RNLS: variants seen among roughly 807,000 people sequenced by gnomAD.
RNLS encodes renalase.
In RNLS, 39 loss-of-function variants were observed where a neutral mutation model predicts 39.8. The ratio of observed to expected loss-of-function variants is 0.98; its 90% CI spans 0.76 to 1.28. The LOEUF (loss-of-function observed/expected upper bound fraction) is 1.28, where lower values mean the gene tolerates loss of function less well. Among genes scored for constraint, RNLS ranks in the 50% most tolerant of loss-of-function variants. The pLI, the probability that RNLS is intolerant of heterozygous loss-of-function variation, is 0.00. For missense variants in RNLS, 410 were observed against 413.3 expected (o/e 0.99, Z 0.07); for synonymous variants, 147 against 150.7 (o/e 0.98, Z 0.18).
intron 5 of RNLS, among the ~76,000 whole-genome samples, chr10:88,334,180 A>G (rs1847319379): frequency 6.6e-6 from 1 of 152,204 alleles, no homozygotes; most frequent in African/African-American, 2.4e-5. Context: ...TCAAAATCAC[A>G]ATCCCCCCAA....
At chr10:88,366,877 C>T (rs1174947993) in intron 4 of RNLS, among the ~76,000 whole-genome samples, 9 of 151,434 alleles carry the variant, frequency 5.9e-5, no homozygotes, top group Non-Finnish European at 5.9e-5. Context: ...AACCAACTCA[C>T]GGCCAGTGGA....
chr10:88,415,727 C>A (rs914913138), intron 4 of RNLS, among the ~76,000 whole-genome samples: 2 of 152,090 alleles, frequency 1.3e-5, no homozygotes, highest in Non-Finnish European at 2.9e-5. Flanking sequence ...TAGTATTTGG[C>A]ACACAGTAAG....
rs553852451 is a variant in RNLS, at chr10:88,353,566, G to A, written c.700+8986C>T. Among the ~76,000 whole-genome samples the A allele has an allele frequency of 6.4e-4, 98 of 152,284 alleles. 1 individual carries two copies. Among genetic ancestry groups the A allele is most frequent in the South Asian group, 2.7e-3 (13 of 4,818 alleles). ...TGAGTTCTTGTTTGATTGCACTGTC[G>A]TCTCAGAGACAGTTTGTTATAATTT... On this transcript the variant is annotated intron_variant, in intron 5 of 6. Transcript: ENST00000331772.
chr10:88,223,443 C>G, the RNLS span, among the ~76,000 whole-genome samples: 1 of 152,170 alleles, frequency 6.6e-6, no homozygotes, highest in Admixed American at 6.5e-5. Context: ...AGGACAGGAA[C>G]AGCATATAAT....
chr10:88,482,848 A>C (rs1564836732), intron 4 of RNLS, among the ~76,000 whole-genome samples: 1 of 152,080 alleles, frequency 6.6e-6, no homozygotes, highest in Admixed American at 6.6e-5. Flanking sequence ...GTAACCTGCC[A>C]GGGCTAAATC....
chr10:88,393,297 C>G (rs1086837), intron 4 of RNLS, among the ~76,000 whole-genome samples: 1 of 150,768 alleles, frequency 6.6e-6, no homozygotes, highest in Non-Finnish European at 1.5e-5. Context: ...AAAACCCCAT[C>G]GTCTCAGCCC....
intron 4 of RNLS, among the ~76,000 whole-genome samples, chr10:88,519,717 T>C (rs1253506228): frequency 1.4e-5 from 2 of 147,454 alleles, no homozygotes; most frequent in Non-Finnish European, 3.0e-5. Context: ...ATATATCACA[T>C]ATATATGATA....
chr10:88,467,454 C>T (rs113990740), intron 4 of RNLS, among the ~76,000 whole-genome samples: 8 of 152,102 alleles, frequency 5.3e-5, no homozygotes, highest in African/African-American at 1.7e-4. Flanking sequence ...AAAATCTTAA[C>T]AACTATCTTT....
intron 4 of RNLS, among the ~76,000 whole-genome samples, chr10:88,524,910 T>A (rs1846986543): frequency 7.2e-6 from 1 of 139,720 alleles, no homozygotes; most frequent in South Asian, 2.3e-4. Context: ...ATGGCAAGGA[T>A]CATTTAAACT....
intron 5 of RNLS, among the ~76,000 whole-genome samples, chr10:88,351,695 T>C (rs1370682974): frequency 6.6e-6 from 1 of 151,792 alleles, no homozygotes; most frequent in Admixed American, 6.6e-5. Flanking sequence ...AGGCTCTTTT[T>C]TGGTTCCATA....
intron 4 of RNLS, among the ~76,000 whole-genome samples, chr10:88,476,459 G>A (rs1843828250): frequency 6.6e-6 from 1 of 152,152 alleles, no homozygotes; most frequent in African/African-American, 2.4e-5. Context: ...TATCCATGCT[G>A]TATACCCTTT....
chr10:88,217,580 A>T, the RNLS span, among the ~76,000 whole-genome samples: 1 of 152,196 alleles, frequency 6.6e-6, no homozygotes, highest in Non-Finnish European at 1.5e-5. Flanking sequence ...TATTCAGAAA[A>T]ATAAAACAGA....
chr10:88,442,682 C>A (rs74972006), intron 4 of RNLS, among the ~76,000 whole-genome samples: 3 of 151,862 alleles, frequency 2.0e-5, no homozygotes, highest in Non-Finnish European at 4.4e-5. Flanking sequence ...CTTACTTGCC[C>A]CTGAGGATTC....
chr10:88,302,662 T>C (rs182942513), intron 6 of RNLS, among the ~76,000 whole-genome samples: 77 of 152,326 alleles, frequency 5.1e-4, no homozygotes, highest in Non-Finnish European at 7.8e-4. Flanking sequence ...CAACTGATGA[T>C]ATGTTGAAGA....
At chr10:88,490,296 G>T (rs1201922778) in intron 4 of RNLS, among the ~76,000 whole-genome samples, 1 of 152,108 alleles carries the variant, frequency 6.6e-6, no homozygotes, top group African/African-American at 2.4e-5. Flanking sequence ...CTTAAAAGAG[G>T]CAAATGTAGT....
At chr10:88,289,141 G>A (rs1184052597) in intron 6 of RNLS, among the ~76,000 whole-genome samples, 3 of 152,128 alleles carry the variant, frequency 2.0e-5, no homozygotes, top group African/African-American at 7.2e-5. Flanking sequence ...ACTGGACTGG[G>A]TATATAAATA....
chr10:88,171,867 TA>T, the RNLS span, among the ~76,000 whole-genome samples: 1 of 152,208 alleles, frequency 6.6e-6, no homozygotes, highest in Non-Finnish European at 1.5e-5. Context: ...CATCCTCTAA[TA>T]ATTACAATTC....
At chr10:88,438,498 C>T (rs986304079) in intron 4 of RNLS, among the ~76,000 whole-genome samples, 2 of 152,166 alleles carry the variant, frequency 1.3e-5, no homozygotes, top group Admixed American at 1.3e-4. Context: ...AGCATTTGTT[C>T]CCCCATCTGA....
chr10:88,369,035 C>G (rs946816610), intron 4 of RNLS, among the ~76,000 whole-genome samples: 7 of 152,024 alleles, frequency 4.6e-5, no homozygotes. Flanking sequence ...TGCAAACAGT[C>G]TGTTCATGTC....
Sources: gnomAD v4.1 joint callset for allele counts (sites outside exome capture counted in the v4.1 genomes callset) on GRCh38, gnomAD v4.1.1 for gene constraint, MANE v1.5 for transcripts, NCBI Gene and HGNC (gene_info 2026-07-23, HGNC 2026-07-21) for gene names.